The following CTNND2 variants were observed in gnomAD, a reference collection of about 807,000 sequenced individuals.
CTNND2 encodes catenin delta-2.
Under a neutral mutation model 144.4 loss-of-function variants are expected in CTNND2, and 22 were observed. The observed-to-expected ratio is 0.15, with a 90% CI of 0.11 to 0.22. The LOEUF is 0.22. CTNND2 is among the 10% of genes least tolerant of loss of function. The probability of loss-of-function intolerance (pLI) is 1.00; values close to 1 mark genes in which losing one functional copy is unlikely to be tolerated. For missense variants in CTNND2, 1,353 were observed against 1,618.8 expected (o/e 0.84, Z 2.82); for synonymous variants, 751 against 695.6 (o/e 1.08, Z -1.25).
At chr5:11,370,374 T>G (rs1757359163) in intron 7 of CTNND2, among the ~76,000 whole-genome samples, 1 of 152,078 alleles carries the variant, frequency 6.6e-6, no homozygotes, top group Admixed American at 6.6e-5. Flanking sequence ...AGCCTCCTGG[T>G]TCTAATGCTG....
chr5:11,643,738 A>T (rs914065927), intron 2 of CTNND2, among the ~76,000 whole-genome samples: 11 of 152,108 alleles, frequency 7.2e-5, no homozygotes, highest in African/African-American at 2.7e-4. Flanking sequence ...AGAGACCAAA[A>T]AATAATTATA....
chr5:11,419,021 T>C (rs1395335765), intron 3 of CTNND2, among the ~76,000 whole-genome samples: 1 of 142,540 alleles, frequency 7.0e-6, no homozygotes, highest in Non-Finnish European at 1.5e-5. Flanking sequence ...TATATAGATG[T>C]CTATCTATAT....
intron 3 of CTNND2, among the ~76,000 whole-genome samples, chr5:11,434,024 T>A (rs1036246221): frequency 5.3e-5 from 8 of 152,210 alleles, no homozygotes; most frequent in Non-Finnish European, 1.0e-4. Flanking sequence ...TGTAAAAGAA[T>A]GTACTTAGTA....
At chr5:11,565,577 A>C (rs539523906) in intron 2 of CTNND2, among the ~76,000 whole-genome samples, 10 of 151,480 alleles carry the variant, frequency 6.6e-5, no homozygotes, top group Middle Eastern at 3.4e-3. Context: ...CACACTCTTC[A>C]TAACTTTGCA....
chr5:11,484,206 A>T (rs1040332601), intron 3 of CTNND2, among the ~76,000 whole-genome samples: 6 of 152,138 alleles, frequency 3.9e-5, no homozygotes, highest in African/African-American at 1.4e-4. Flanking sequence ...ATCTCACTCA[A>T]TATTCAACGA....
At chr5:11,490,215 T>G (rs1769263586) in intron 3 of CTNND2, among the ~76,000 whole-genome samples, 1 of 152,226 alleles carries the variant, frequency 6.6e-6, no homozygotes, top group Non-Finnish European at 1.5e-5. Context: ...AAAATAATGA[T>G]GCACATATTT....
chr5:11,590,302 C>T (rs1236915214), intron 2 of CTNND2, among the ~76,000 whole-genome samples: 1 of 152,092 alleles, frequency 6.6e-6, no homozygotes, highest in Non-Finnish European at 1.5e-5. Context: ...CTTGGCCTCC[C>T]GAAGTGCTGG....
intron 9 of CTNND2, among the ~76,000 whole-genome samples, chr5:11,240,259 AACAC>A (rs1176450618): frequency 1.9e-5 from 2 of 107,106 alleles, no homozygotes; most frequent in Non-Finnish European, 3.8e-5. Context: ...TCACACACCC[AACAC>A]ACACACACCC....
intron 2 of CTNND2, among the ~76,000 whole-genome samples, chr5:11,662,654 A>ACT (rs1169494635): frequency 1.3e-5 from 2 of 152,062 alleles, no homozygotes; most frequent in African/African-American, 4.8e-5. Flanking sequence ...TCAATACCTT[A>ACT]CATCCTTCGA....
At chr5:11,214,311 A>G (rs1393881422) in intron 10 of CTNND2, among the ~76,000 whole-genome samples, 1 of 152,212 alleles carries the variant, frequency 6.6e-6, no homozygotes, top group East Asian at 1.9e-4. Flanking sequence ...TGTTTTATTT[A>G]CTGATTTTCT....
In CTNND2 at chr5:11,236,794, G is replaced by A. The variant is rs1554008600; in HGVS notation, c.1658C>T (p.Pro553Leu). The A allele has an allele frequency of 2.5e-6, 4 of 1,613,976 alleles. No homozygotes were observed. The highest frequency in any genetic ancestry group is 2.2e-5 in the East Asian group (1 of 44,884). ...REFGWRDPELPEVIQMLQHQF... is the reference protein window; with the variant it reads ...REFGWRDPELLEVIQMLQHQF... ...GTGCTGCAACATCTGAATCACTTCCGGCAGTTCCGGGTCTCTCCATCCAAA... is the reference window on the plus strand; with the variant it reads ...GTGCTGCAACATCTGAATCACTTCCAGCAGTTCCGGGTCTCTCCATCCAAA... Residue 553 changes from proline to leucine, a missense_variant, in exon 10 of 22, where the codon CCG becomes CTG. Physicochemically the swap from Pro to Leu is moderately conservative, Grantham distance 98 (BLOSUM62 -3). Transcript: ENST00000304623.
At chr5:11,113,081 C>G (rs1167902037) in intron 13 of CTNND2, among the ~76,000 whole-genome samples, 1 of 152,106 alleles carries the variant, frequency 6.6e-6, no homozygotes, top group Non-Finnish European at 1.5e-5. Flanking sequence ...GCGGAGCTTG[C>G]AGTGAGCCAA....
At chr5:11,174,014 G>T (rs1340761794) in intron 11 of CTNND2, among the ~76,000 whole-genome samples, 1 of 152,170 alleles carries the variant, frequency 6.6e-6, no homozygotes, top group Non-Finnish European at 1.5e-5. Flanking sequence ...GATGGACGTG[G>T]TCAAGTCTGA....
intron 1 of CTNND2, among the ~76,000 whole-genome samples, chr5:11,753,262 G>C (rs1450667965): frequency 6.6e-6 from 1 of 151,788 alleles, no homozygotes; most frequent in Admixed American, 6.6e-5. Flanking sequence ...CAGTTCTCAA[G>C]GGGAATGCTT....
intron 12 of CTNND2, among the ~76,000 whole-genome samples, chr5:11,139,525 T>A (rs1367608821): frequency 1.3e-5 from 2 of 152,228 alleles, no homozygotes; most frequent in Non-Finnish European, 2.9e-5. Flanking sequence ...TCTTGGATGA[T>A]AGAAGAGCCT....
At chr5:11,277,878 G>C (rs889319525) in intron 9 of CTNND2, among the ~76,000 whole-genome samples, 5 of 152,024 alleles carry the variant, frequency 3.3e-5, no homozygotes, top group Admixed American at 6.6e-5. Flanking sequence ...CAATACCCAA[G>C]TGCACTTCCC....
At chr5:11,404,264 C>T (rs1214018893) in intron 5 of CTNND2, among the ~76,000 whole-genome samples, 2 of 152,034 alleles carry the variant, frequency 1.3e-5, no homozygotes, top group Non-Finnish European at 2.9e-5. Flanking sequence ...CCACGAAGAC[C>T]CCAGAATTCC....
intron 12 of CTNND2, among the ~76,000 whole-genome samples, chr5:11,145,218 G>A (rs1018226904): frequency 1.3e-4 from 20 of 151,884 alleles, no homozygotes; most frequent in African/African-American, 3.4e-4. Flanking sequence ...TTGTTGTGCC[G>A]AAGAATATTT....
rs140545756 is a variant in CTNND2 at position 11,741,019 on chromosome 5, T to C, written c.38-8747A>G. Among the ~76,000 whole-genome samples, 878 of 152,290 alleles carry C rather than the reference T, an allele frequency of 5.8e-3. 10 individuals are homozygous for C. The highest frequency in any genetic ancestry group is 0.02 in the African/African-American group (838 of 41,560). On this transcript the variant is annotated intron_variant, in intron 1 of 21. Coordinates refer to ENST00000304623, the MANE Select transcript of CTNND2 (RefSeq NM_001332.4). Reference sequence around the variant, plus strand: ...AATGCAAATCAAAACCAAAATGAGATACCATCTCATGCCAGTTAGAATGGC... The same window carrying C: ...AATGCAAATCAAAACCAAAATGAGACACCATCTCATGCCAGTTAGAATGGC...
Sources: allele counts gnomAD v4.1 joint callset (sites outside exome capture counted in the v4.1 genomes callset), GRCh38; gene constraint gnomAD v4.1.1; transcripts MANE v1.5; gene names NCBI Gene and HGNC (gene_info 2026-07-23, HGNC 2026-07-21).